The following CYP39A1 variants were observed in gnomAD, a reference collection of about 807,000 sequenced individuals.
The protein encoded by CYP39A1 is cytochrome P450 family 39 subfamily A member 1.
In CYP39A1, 49 loss-of-function variants were observed where a neutral mutation model predicts 58.1. That is an observed-to-expected ratio of 0.84 (90% CI 0.67 to 1.07). The LOEUF is 1.07. Ranked by LOEUF, CYP39A1 falls within the 50% of genes least tolerant of loss-of-function variation. CYP39A1 has a pLI of 0.00. For missense variants in CYP39A1, 531 were observed against 539.4 expected (o/e 0.98, Z 0.16); for synonymous variants, 209 against 187.6 (o/e 1.11, Z -0.93).
chr6:46,567,594 C>A (rs1403062147), intron 10 of CYP39A1, among the ~76,000 whole-genome samples: 3 of 151,988 alleles, frequency 2.0e-5, no homozygotes, highest in Non-Finnish European at 2.9e-5. Context: ...CAATAATGCA[C>A]AAAGGTTCCA....
intron 10 of CYP39A1, among the ~76,000 whole-genome samples, chr6:46,555,558 C>T (rs2150477931): frequency 6.6e-6 from 1 of 152,290 alleles, no homozygotes; most frequent in Middle Eastern, 3.4e-3. Context: ...TTCTGTGGCA[C>T]TTTACATATC....
intron 9 of CYP39A1, 76 bp from the exon 10 acceptor site, chr6:46,587,241 A>G (rs1772525052): frequency 1.0e-6 from 1 of 978,310 alleles, no homozygotes; most frequent in South Asian, 1.4e-5. Context: ...TAGGCTAAAA[A>G]TGACCTTGTA....
In CYP39A1 at chr6:46,652,519, GA is replaced by G; in HGVS notation, c.63del (p.Gln22SerfsTer29). On this transcript the variant is annotated frameshift_variant, in exon 1 of 12. Transcript: ENST00000275016. LOFTEE classifies it high-confidence loss of function. ...GGGGGTCTACGCAAATTCTTCCGCT[GA>G]AGGAGTAAGAACAGAGCAAGGCAAC... Reference protein sequence around the residue: ...ILGCLALFLLLQRKNLRRPPC... With the variant: ...ILGCLALFLLXQRKNLRRPPC... 6.2e-7 allele frequency: 1 copy of G among 1,613,862 alleles called. No individual in the cohort carries two copies. Among genetic ancestry groups the G allele is most frequent in the East Asian group, 2.2e-5 (1 of 44,862 alleles).
chr6:46,549,683 G>T lies in CYP39A1; in HGVS notation c.*683C>A, dbSNP rs1003365970. On this transcript the variant is annotated 3_prime_UTR_variant, in exon 12 of 12. Coordinates refer to ENST00000275016, the MANE Select transcript of CYP39A1 (RefSeq NM_016593.5). ...CTTTGAGTCAAAACAATGCTTCCAGGTTAATTAAAATATAAATCAATACAT... is the reference window on the plus strand; with the variant it reads ...CTTTGAGTCAAAACAATGCTTCCAGTTTAATTAAAATATAAATCAATACAT... 1 of 152,010 alleles carries T rather than the reference G, an allele frequency of 6.6e-6. No individual in the cohort carries two copies. Among genetic ancestry groups the T allele is most frequent in the Admixed American group, 6.6e-5 (1 of 15,260 alleles). 9.4% of individuals were successfully genotyped at this position (152,010 alleles called of 1,614,324 possible).
chr6:46,618,553 C>CA lies in CYP39A1; in HGVS notation c.931+6864dup, dbSNP rs997842001. Among the ~76,000 whole-genome samples, 23 of 151,302 alleles carry CA rather than the reference C, an allele frequency of 1.5e-4. No homozygotes were observed. The South Asian group carries it at 2.1e-3, about 14-fold the overall frequency. ...TTAAGGAACAAAATAAAACCATAGG[C>CA]AAAAAAAATGCTTTACAGAGATCAA... On this transcript the variant is annotated intron_variant, in intron 7 of 11. Transcript: ENST00000275016.
chr6:46,602,923 T>TGGGG (rs11449645), intron 7 of CYP39A1, among the ~76,000 whole-genome samples: 98 of 122,548 alleles, frequency 8.0e-4, no homozygotes, highest in African/African-American at 3.0e-3. Context: ...AAATATAAAA[T>TGGGG]GGGGGGGGGG....
chr6:46,625,861 T>C (rs1313024558), intron 6 of CYP39A1, among the ~76,000 whole-genome samples: 1 of 152,100 alleles, frequency 6.6e-6, no homozygotes, highest in Non-Finnish European at 1.5e-5. Context: ...CAACTAGTTA[T>C]GACACTTAAG....
At chr6:46,577,731 T>G (rs942285602) in intron 10 of CYP39A1, among the ~76,000 whole-genome samples, 1 of 151,936 alleles carries the variant, frequency 6.6e-6, no homozygotes, top group Non-Finnish European at 1.5e-5. Context: ...AAGAGTTAAC[T>G]TTCCTAAATA....
At chr6:46,553,135 T>C (rs1388692347) in intron 11 of CYP39A1, among the ~76,000 whole-genome samples, 1 of 150,238 alleles carries the variant, frequency 6.7e-6, no homozygotes, top group Non-Finnish European at 1.5e-5. Flanking sequence ...CTGTTCCTAC[T>C]GGATCAGAAA....
intron 1 of CYP39A1, among the ~76,000 whole-genome samples, chr6:46,648,203 A>T (rs1762448258): frequency 6.6e-6 from 1 of 152,156 alleles, no homozygotes; most frequent in Non-Finnish European, 1.5e-5. Context: ...CTATAAAGAC[A>T]CATGCACACG....
intron 10 of CYP39A1, among the ~76,000 whole-genome samples, chr6:46,581,593 C>A (rs980160520): frequency 1.3e-5 from 2 of 152,100 alleles, no homozygotes; most frequent in Non-Finnish European, 2.9e-5. Context: ...CATGTTCTCA[C>A]TTACAAGTGG....
chr6:46,593,272 G>T (rs1349020914), intron 8 of CYP39A1, among the ~76,000 whole-genome samples: 1 of 152,090 alleles, frequency 6.6e-6, no homozygotes, highest in Non-Finnish European at 1.5e-5. Context: ...TTGAGCATGG[G>T]TATCTCTTCT....
chr6:46,642,513 A>G (rs1399647997), intron 1 of CYP39A1, among the ~76,000 whole-genome samples: 2 of 152,112 alleles, frequency 1.3e-5, no homozygotes, highest in African/African-American at 4.8e-5. Flanking sequence ...CCCTTTGATC[A>G]TTTTATTGCC....
intron 7 of CYP39A1, among the ~76,000 whole-genome samples, chr6:46,605,448 C>T (rs1294054500): frequency 6.6e-6 from 1 of 152,132 alleles, no homozygotes; most frequent in African/African-American, 2.4e-5. Context: ...TTTTTACTTT[C>T]CTTGTCCCAT....
chr6:46,610,327 TG>T (rs1774135583), intron 7 of CYP39A1, among the ~76,000 whole-genome samples: 1 of 152,176 alleles, frequency 6.6e-6, no homozygotes, highest in South Asian at 2.1e-4. Flanking sequence ...AGGGTGAATC[TG>T]GCCTTACTAA....
At chr6:46,636,221 G>A (rs560934103) in intron 5 of CYP39A1, among the ~76,000 whole-genome samples, 168 bp downstream of exon 5, 1 of 152,252 alleles carries the variant, frequency 6.6e-6, no homozygotes, top group African/African-American at 2.4e-5. Context: ...TTCTACATAG[G>A]TTGTTGTGAT....
chr6:46,650,465 C>A (rs1582480406), intron 1 of CYP39A1, among the ~76,000 whole-genome samples: 2 of 110,690 alleles, frequency 1.8e-5, no homozygotes, highest in Admixed American at 1.0e-4. Flanking sequence ...AGTAAAACAT[C>A]AAATAATGCA....
At chr6:46,587,686 A>G (rs1012082016) in intron 9 of CYP39A1, among the ~76,000 whole-genome samples, 2 of 152,122 alleles carry the variant, frequency 1.3e-5, no homozygotes, top group Admixed American at 6.6e-5. Flanking sequence ...CTTTATTTGT[A>G]TTTTTTTGTA....
intron 4 of CYP39A1, among the ~76,000 whole-genome samples, chr6:46,636,824 G>A (rs868687893): frequency 1.3e-5 from 2 of 152,122 alleles, no homozygotes; most frequent in South Asian, 4.1e-4. Flanking sequence ...AGAACCAATC[G>A]CTGACTTAAG....
Sources: allele counts gnomAD v4.1 joint callset (sites outside exome capture counted in the v4.1 genomes callset), GRCh38; gene constraint gnomAD v4.1.1; transcripts MANE v1.5; gene names NCBI Gene and HGNC (gene_info 2026-07-23, HGNC 2026-07-21).